The following NME7 variants were observed in gnomAD, a reference collection of about 807,000 sequenced individuals.
NME7 encodes NME/NM23 family member 7.
A neutral mutation model predicts 49.1 loss-of-function variants in NME7; 41 were observed. The ratio of observed to expected loss-of-function variants is 0.83; its 90% CI spans 0.65 to 1.08. The LOEUF (loss-of-function observed/expected upper bound fraction) is 1.08. Ranked by LOEUF, NME7 falls within the 50% of genes least tolerant of loss-of-function variation. NME7 has a pLI of 0.00. For synonymous variants in NME7, 139 were observed against 150.6 expected (o/e 0.92, Z 0.56); for missense variants, 423 against 463.4 (o/e 0.91, Z 0.80).
intron 11 of NME7, 26 bp downstream of exon 11, chr1:169,169,421 T>C: frequency 6.4e-7 from 1 of 1,562,180 alleles, no homozygotes; most frequent in Middle Eastern, 1.7e-4. Flanking sequence ...GAAATATAAA[T>C]AGGATGTTTA....
intron 7 of NME7, among the ~76,000 whole-genome samples, chr1:169,266,826 G>A (rs961973188): frequency 7.5e-6 from 1 of 133,106 alleles, no homozygotes. Flanking sequence ...CCAGGACTTT[G>A]GGAGGCCGAG....
intron 7 of NME7, among the ~76,000 whole-genome samples, chr1:169,264,146 A>T (rs574436276): frequency 7.5e-6 from 1 of 133,544 alleles, no homozygotes; most frequent in African/African-American, 2.5e-5. Context: ...TACAAAACAC[A>T]CTTAAGTACA....
chr1:169,249,808 C>G (rs1359748074), intron 7 of NME7, among the ~76,000 whole-genome samples: 2 of 152,010 alleles, frequency 1.3e-5, no homozygotes, highest in Non-Finnish European at 2.9e-5. Flanking sequence ...TAAACCATCC[C>G]TGCATCCCTG....
In NME7 at chr1:169,355,393, CAT is replaced by C. The variant is rs1653435053; in HGVS notation, c.3+12313_3+12314del. ...ACACACACACACACACACACACACA[CAT>C]ATACCTGCTATGTACCCATAAAAAT... On this transcript the variant is annotated intron_variant, in intron 1 of 11. Transcript: ENST00000367811. 2.3e-5 allele frequency among the ~76,000 whole-genome samples: 3 copies of C among 128,356 alleles called. 1 individual carries two copies. Among genetic ancestry groups the C allele is most frequent in the African/African-American group, 8.8e-5 (3 of 33,940 alleles). 84.2% of individuals were successfully genotyped at this position (128,356 alleles called of 152,430 possible).
intron 11 of NME7, among the ~76,000 whole-genome samples, chr1:169,165,658 G>A (rs1369708393): frequency 6.6e-6 from 1 of 152,170 alleles, no homozygotes; most frequent in African/African-American, 2.4e-5. Context: ...TCACTGATCA[G>A]ACAACTTGTC....
chr1:169,200,413 T>G (rs1444386266), intron 10 of NME7, among the ~76,000 whole-genome samples: 1 of 152,106 alleles, frequency 6.6e-6, no homozygotes, highest in Admixed American at 6.6e-5. Context: ...GAGACTGTGT[T>G]AAGCACATCT....
At chr1:169,352,449 T>C (rs1275239446) in intron 1 of NME7, among the ~76,000 whole-genome samples, 1 of 152,118 alleles carries the variant, frequency 6.6e-6, no homozygotes, top group African/African-American at 2.4e-5. Flanking sequence ...AAAAGCCATA[T>C]ATGACAGCCC....
chr1:169,213,548 G>C (rs1306126314), intron 10 of NME7, among the ~76,000 whole-genome samples: 1 of 152,016 alleles, frequency 6.6e-6, no homozygotes, highest in African/African-American at 2.4e-5. Flanking sequence ...ATATGAAATA[G>C]GCATCTTTCC....
intron 1 of NME7, among the ~76,000 whole-genome samples, chr1:169,330,971 C>T (rs1253169246): frequency 1.3e-5 from 2 of 152,096 alleles, no homozygotes; most frequent in Non-Finnish European, 2.9e-5. Context: ...CAGTATTACC[C>T]TGATACCAAA....
intron 7 of NME7, among the ~76,000 whole-genome samples, chr1:169,283,214 C>T (rs968591433): frequency 2.6e-5 from 4 of 152,090 alleles, no homozygotes; most frequent in Non-Finnish European, 5.9e-5. Flanking sequence ...CCTTCTTTGT[C>T]TCTTTTTATC....
At chr1:169,208,060 C>G (rs920697900) in intron 10 of NME7, among the ~76,000 whole-genome samples, 2 of 152,064 alleles carry the variant, frequency 1.3e-5, no homozygotes, top group African/African-American at 2.4e-5. Context: ...TTTGGAGATT[C>G]ACAATGCATG....
intron 10 of NME7, among the ~76,000 whole-genome samples, chr1:169,218,659 ATTTTTTTTTTTT>A (rs34342694): frequency 1.9e-4 from 22 of 118,206 alleles, no homozygotes; most frequent in Admixed American, 1.4e-3. Flanking sequence ...CCAATTTTGA[ATTTTTTTTTTTT>A]TTTTTTTTTT....
intron 11 of NME7, among the ~76,000 whole-genome samples, chr1:169,135,998 G>A (rs947257551): frequency 6.6e-6 from 1 of 151,992 alleles, no homozygotes; most frequent in Non-Finnish European, 1.5e-5. Context: ...AATCATAGGC[G>A]GCCTCTAGGG....
At chr1:169,183,907 T>C (rs1251902344) in intron 10 of NME7, among the ~76,000 whole-genome samples, 2 of 152,222 alleles carry the variant, frequency 1.3e-5, no homozygotes, top group Non-Finnish European at 2.9e-5. Context: ...TCTTAGGTAA[T>C]GTAAAGTTAT....
chr1:169,253,841 C>T lies in NME7; in HGVS notation c.755-16154G>A, dbSNP rs1364432227. Among the ~76,000 whole-genome samples the T allele has an allele frequency of 2.1e-3, 320 of 150,678 alleles. 4 individuals are homozygous for T. The highest frequency in any genetic ancestry group is 7.0e-3 in the African/African-American group (289 of 41,130). ...ATAATCATGTGGTTTTTGTCTTTGGCTCTGTTTATATGCTGGATTACATTT... is the reference window on the plus strand; with the variant it reads ...ATAATCATGTGGTTTTTGTCTTTGGTTCTGTTTATATGCTGGATTACATTT... On this transcript the variant is annotated intron_variant, in intron 7 of 11. Coordinates refer to ENST00000367811, the MANE Select transcript of NME7 (RefSeq NM_013330.5).
At chr1:169,200,179 A>G (rs992233516) in intron 10 of NME7, among the ~76,000 whole-genome samples, 1 of 152,104 alleles carries the variant, frequency 6.6e-6, no homozygotes, top group African/African-American at 2.4e-5. Context: ...CTTATTTTAT[A>G]TATCACTATA....
intron 11 of NME7, among the ~76,000 whole-genome samples, chr1:169,146,950 T>G (rs1658773823): frequency 6.6e-6 from 1 of 152,246 alleles, no homozygotes; most frequent in Non-Finnish European, 1.5e-5. Flanking sequence ...ATGAGAATTA[T>G]GTACTTGGTC....
At chr1:169,134,241 G>A (rs1658354252) in intron 11 of NME7, among the ~76,000 whole-genome samples, 1 of 152,134 alleles carries the variant, frequency 6.6e-6, no homozygotes, top group African/African-American at 2.4e-5. Context: ...TTTTTCCTCT[G>A]CTGCTCATAT....
chr1:169,249,327 T>C (rs1242233670), intron 7 of NME7, among the ~76,000 whole-genome samples: 2 of 152,172 alleles, frequency 1.3e-5, no homozygotes, highest in African/African-American at 2.4e-5. Flanking sequence ...TTGTGTATAT[T>C]GATTTTGTGA....
Sources: allele counts gnomAD v4.1 joint callset (sites outside exome capture counted in the v4.1 genomes callset), GRCh38; gene constraint gnomAD v4.1.1; transcripts MANE v1.5; gene names NCBI Gene and HGNC (gene_info 2026-07-23, HGNC 2026-07-21).